The following TAFA2 variants were observed in gnomAD, a reference collection of about 807,000 sequenced individuals.
The protein encoded by TAFA2 is TAFA chemokine like family member 2, also known as chemokine-like protein TAFA-2.
A neutral mutation model predicts 18.8 loss-of-function variants in TAFA2; 7 were observed. The observed-to-expected ratio is 0.37, with a 90% confidence interval of 0.21 to 0.70. The LOEUF (loss-of-function observed/expected upper bound fraction) is 0.70, where lower values mean the gene tolerates loss of function less well. Ranked by LOEUF, TAFA2 falls within the 30% of genes least tolerant of loss-of-function variation. The probability of loss-of-function intolerance (pLI) is 0.53; values close to 1 mark genes in which losing one functional copy is unlikely to be tolerated. For missense variants in TAFA2, 122 were observed against 158.1 expected (o/e 0.77, Z 1.23); for synonymous variants, 60 against 54.2 (o/e 1.11, Z -0.47).
chr12:61,787,189 T>C (rs1870775225), intron 2 of TAFA2, among the ~76,000 whole-genome samples: 1 of 151,224 alleles, frequency 6.6e-6, no homozygotes, highest in East Asian at 2.0e-4. Flanking sequence ...AAAAACCTGT[T>C]AGCCAAGAAT....
chr12:61,907,703 C>T (rs1426134918), intron 1 of TAFA2, among the ~76,000 whole-genome samples: 1 of 152,072 alleles, frequency 6.6e-6, no homozygotes. Flanking sequence ...TTGTAGCATG[C>T]ACCTGAAAAA....
intron 1 of TAFA2, among the ~76,000 whole-genome samples, chr12:61,888,839 C>T (rs902630643): frequency 2.0e-5 from 3 of 152,206 alleles, no homozygotes; most frequent in South Asian, 4.1e-4. Flanking sequence ...TACCTGAGTT[C>T]TGCTCTAGTA....
At chr12:62,156,284 A>G (rs1482975602) in intron 1 of TAFA2, among the ~76,000 whole-genome samples, 2 of 152,178 alleles carry the variant, frequency 1.3e-5, no homozygotes, top group Admixed American at 1.3e-4. Context: ...TAATCAAAAC[A>G]TCTAAAAACA....
chr12:62,169,850 C>CAAAAA (rs11373929), intron 1 of TAFA2, among the ~76,000 whole-genome samples: 1 of 90,070 alleles, frequency 1.1e-5, no homozygotes, highest in Non-Finnish European at 2.2e-5. Flanking sequence ...GACTCCGTCT[C>CAAAAA]AAAAAAAAAA....
chr12:62,031,044 T>C (rs1376851251), intron 1 of TAFA2, among the ~76,000 whole-genome samples: 1 of 152,136 alleles, frequency 6.6e-6, no homozygotes, highest in Non-Finnish European at 1.5e-5. Context: ...AGAATGACCA[T>C]GATAACTCTA....
Position 61,797,990 on chromosome 12 carries a change from A to G in TAFA2, c.107-42966T>C, listed in dbSNP as rs148199763. ...CAAAATATTTAATAACCACTGTGTA[A>G]TGGGCATGAATCTATTAGAATAGGG... On this transcript the variant is annotated intron_variant, in intron 2 of 4. Coordinates refer to ENST00000416284, the MANE Select transcript of TAFA2 (RefSeq NM_178539.5). Among the ~76,000 whole-genome samples, 941 of 152,304 alleles carry G rather than the reference A, an allele frequency of 6.2e-3. 3 individuals carry two copies. Among genetic ancestry groups the G allele is most frequent in the African/African-American group, 0.022 (896 of 41,574 alleles).
chr12:61,950,078 T>G (rs2121450053), intron 1 of TAFA2, among the ~76,000 whole-genome samples: 1 of 152,296 alleles, frequency 6.6e-6, no homozygotes, highest in East Asian at 1.9e-4. Context: ...TTCATCCATG[T>G]TGTCACATGT....
intron 1 of TAFA2, among the ~76,000 whole-genome samples, chr12:62,086,242 T>C (rs990028774): frequency 6.7e-6 from 1 of 150,160 alleles, no homozygotes; most frequent in Non-Finnish European, 1.5e-5. Context: ...TTTAGCAAGA[T>C]TGTTTGGATA....
chr12:61,799,399 G>A (rs1871313984), intron 2 of TAFA2, among the ~76,000 whole-genome samples: 1 of 152,160 alleles, frequency 6.6e-6, no homozygotes, highest in African/African-American at 2.4e-5. Flanking sequence ...TGAGAGGGGA[G>A]AGTGCTAAGA....
intron 4 of TAFA2, among the ~76,000 whole-genome samples, chr12:61,713,255 T>C (rs1002589860): frequency 2.0e-5 from 3 of 152,188 alleles, no homozygotes; most frequent in Non-Finnish European, 4.4e-5. Flanking sequence ...TGCTGAGCTG[T>C]AACCAATCTG....
chr12:62,246,174 G>A (rs1348652502), intron 1 of TAFA2, among the ~76,000 whole-genome samples: 1 of 152,204 alleles, frequency 6.6e-6, no homozygotes, highest in South Asian at 2.1e-4. Context: ...TTTTAGTAGA[G>A]ACGGGGTTTC....
chr12:62,162,470 C>T (rs893881086), intron 1 of TAFA2, among the ~76,000 whole-genome samples: 2 of 152,160 alleles, frequency 1.3e-5, no homozygotes, highest in African/African-American at 4.8e-5. Flanking sequence ...GATTTCCTGT[C>T]TTTGCAATCC....
At chr12:61,810,320 G>GT (rs5798617) in intron 2 of TAFA2, among the ~76,000 whole-genome samples, 12,634 of 137,106 alleles carry the variant, frequency 0.092, 726 homozygotes, top group East Asian at 0.16. Context: ...CCATTACTTT[G>GT]TTTTTTTTTT....
intron 1 of TAFA2, among the ~76,000 whole-genome samples, chr12:61,949,391 C>T (rs1276844807): frequency 6.6e-6 from 1 of 152,086 alleles, no homozygotes; most frequent in Non-Finnish European, 1.5e-5. Flanking sequence ...GTCACACCAT[C>T]AACTCTCCCA....
intron 1 of TAFA2, among the ~76,000 whole-genome samples, chr12:62,117,792 A>T (rs1189016360): frequency 6.6e-6 from 1 of 152,124 alleles, no homozygotes; most frequent in African/African-American, 2.4e-5. Flanking sequence ...ATAGCAACAA[A>T]ATAGAGCCTG....
intron 1 of TAFA2, among the ~76,000 whole-genome samples, chr12:62,036,036 G>A (rs554723623): frequency 1.4e-4 from 22 of 152,150 alleles, no homozygotes; most frequent in Non-Finnish European, 1.2e-4. Flanking sequence ...CACCGCGCCC[G>A]GCCAATGATT....
intron 1 of TAFA2, among the ~76,000 whole-genome samples, chr12:62,203,320 T>C (rs1442458738): frequency 2.0e-5 from 3 of 152,266 alleles, no homozygotes; most frequent in Non-Finnish European, 4.4e-5. Context: ...TCTGTTGTTT[T>C]TGGGTGGAGA....
intron 1 of TAFA2, among the ~76,000 whole-genome samples, chr12:61,993,789 C>T (rs1360929254): frequency 6.6e-6 from 1 of 152,190 alleles, no homozygotes; most frequent in Admixed American, 6.5e-5. Context: ...AACACAGAGA[C>T]TAAAGTGTTC....
At position 61,765,719 on chromosome 12, in the gene TAFA2, A is replaced by T. The variant is rs930091596; in HGVS notation, c.107-10695T>A. Among the ~76,000 whole-genome samples, 3 of 152,258 alleles carry T rather than the reference A, an allele frequency of 2.0e-5. No homozygotes were observed. The East Asian group carries it at 5.8e-4, about 30-fold the overall frequency. On this transcript the variant is annotated intron_variant, in intron 2 of 4. Transcript: ENST00000416284. ...ATGCTTAAACTTAGTGTTAGCTATA[A>T]TTATTATGGAGAGTAATAACATCTA...
Sources: gnomAD v4.1 joint callset for allele counts (sites outside exome capture counted in the v4.1 genomes callset) on GRCh38, gnomAD v4.1.1 for gene constraint, MANE v1.5 for transcripts, NCBI Gene and HGNC (gene_info 2026-07-23, HGNC 2026-07-21) for gene names.